Variants in CCDC158 observed in about 807,000 individuals in gnomAD.
CCDC158 encodes coiled-coil domain containing 158.
A neutral mutation model predicts 138.6 loss-of-function variants in CCDC158; 116 were observed. The observed-to-expected ratio is 0.84, with a 90% CI of 0.72 to 0.98. CCDC158 has a LOEUF of 0.98. CCDC158 is among the 50% of genes least tolerant of loss of function. The probability of loss-of-function intolerance (pLI) is 0.00; values close to 1 mark genes in which losing one functional copy is unlikely to be tolerated. For synonymous variants in CCDC158, 436 were observed against 442.4 expected (o/e 0.99, Z 0.18); for missense variants, 1,265 against 1,306.1 (o/e 0.97, Z 0.48).
At chr4:76,383,859 A>T (rs1726513637) in intron 6 of CCDC158, 121 bp from the exon 7 acceptor site, 3 of 749,874 alleles carry the variant, frequency 4.0e-6, no homozygotes, top group Non-Finnish European at 4.5e-6. Flanking sequence ...AATCAGATAC[A>T]TTCTATCCCC....
intron 18 of CCDC158, chr4:76,345,413 CT>C: frequency 4.2e-6 from 4 of 944,826 alleles, no homozygotes; most frequent in Admixed American, 1.7e-5. Context: ...AGCAGGAGTG[CT>C]GCCTGAAATT....
intron 24 of CCDC158, among the ~76,000 whole-genome samples, chr4:76,322,453 A>C (rs1720111039): frequency 6.6e-6 from 1 of 152,228 alleles, no homozygotes; most frequent in African/African-American, 2.4e-5. Flanking sequence ...AAATTACATG[A>C]AGAAAACGCA....
Position 76,346,809 on chromosome 4 carries a change from C to T in CCDC158, c.2664+4187G>A, listed in dbSNP as rs937365296. ...ACAAAGGGCTAATATCCAGAATCTA[C>T]AAAAAACTTCAACAAATTTACAAGA... is the stretch of plus-strand genomic sequence containing the variant. On this transcript the variant is annotated intron_variant, in intron 18 of 24. Transcript: ENST00000682701. 3.3e-5 allele frequency among the ~76,000 whole-genome samples: 5 copies of T among 152,026 alleles called. No homozygotes were observed. The South Asian group carries it at 8.3e-4, about 25-fold the overall frequency.
intron 8 of CCDC158, 128 bp downstream of exon 8, chr4:76,382,482 G>T: frequency 1.6e-6 from 1 of 619,446 alleles, no homozygotes. Context: ...TCATTTAAAT[G>T]TTAGAAAAAT....
At chr4:76,394,325 C>T (rs1057204154) in intron 4 of CCDC158, among the ~76,000 whole-genome samples, 6 of 152,064 alleles carry the variant, frequency 3.9e-5, no homozygotes, top group Non-Finnish European at 7.4e-5. Context: ...CTGTCATTTG[C>T]AACAACATGG....
chr4:76,331,284 G>A (rs899945866), intron 21 of CCDC158, 60 bp downstream of exon 21: 96 of 1,422,746 alleles, frequency 6.7e-5, no homozygotes, highest in Non-Finnish European at 9.2e-5. Context: ...AAGATCTTTT[G>A]AATTAATAAT....
chr4:76,387,851 C>G (rs974454867), intron 4 of CCDC158, among the ~76,000 whole-genome samples: 6 of 99,450 alleles, frequency 6.0e-5, no homozygotes, highest in Admixed American at 2.1e-4. Flanking sequence ...TCAAACCAAA[C>G]AAAACAAAAA....
intron 18 of CCDC158, among the ~76,000 whole-genome samples, chr4:76,348,978 G>C (rs957473769): frequency 6.6e-6 from 1 of 152,116 alleles, no homozygotes; most frequent in Non-Finnish European, 1.5e-5. Flanking sequence ...CCTTAAGAAA[G>C]ATAGATATAA....
intron 2 of CCDC158, among the ~76,000 whole-genome samples, chr4:76,411,253 T>A (rs562905177): frequency 4.1e-4 from 63 of 152,090 alleles, no homozygotes; most frequent in African/African-American, 1.5e-3. Flanking sequence ...AATGAAAAAA[T>A]TAGCCGGGCA....
intron 2 of CCDC158, among the ~76,000 whole-genome samples, chr4:76,408,630 A>G (rs7697356): frequency 0.029 from 4,450 of 152,294 alleles, 217 homozygotes; most frequent in African/African-American, 0.1. Context: ...TATTGTGAAT[A>G]GTGCCGCAAT....
chr4:76,375,616 C>T (rs1010170632), intron 9 of CCDC158: 33 of 702,540 alleles, frequency 4.7e-5, no homozygotes, highest in Middle Eastern at 2.3e-4. Context: ...TGTCAAAAAG[C>T]GAAAGTTAAG....
intron 1 of CCDC158, among the ~76,000 whole-genome samples, chr4:76,416,590 T>G (rs892030050): frequency 6.6e-6 from 1 of 152,202 alleles, no homozygotes; most frequent in Non-Finnish European, 1.5e-5. Context: ...GTCCCTGTGC[T>G]GTGTGCAGCC....
chr4:76,338,427 G>A (rs191513508), intron 18 of CCDC158, among the ~76,000 whole-genome samples: 2 of 152,132 alleles, frequency 1.3e-5, no homozygotes, highest in African/African-American at 2.4e-5. Flanking sequence ...CAGAAGAATC[G>A]CTTGAACCTG....
intron 18 of CCDC158, chr4:76,344,980 T>C: frequency 6.8e-7 from 1 of 1,466,344 alleles, no homozygotes; most frequent in Non-Finnish European, 9.6e-7. Context: ...TTACTGGAGT[T>C]AGGGAGGTAG....
intron 4 of CCDC158, among the ~76,000 whole-genome samples, chr4:76,391,913 C>G (rs1281772152): frequency 8.6e-5 from 13 of 151,906 alleles, no homozygotes; most frequent in African/African-American, 2.7e-4. Flanking sequence ...CTGGAAACAT[C>G]TAGAAGAAAA....
intron 9 of CCDC158, among the ~76,000 whole-genome samples, chr4:76,374,582 C>A (rs1014909652): frequency 3.9e-5 from 6 of 152,078 alleles, no homozygotes; most frequent in Admixed American, 1.3e-4. Flanking sequence ...ATACTTTATT[C>A]CACAAGAACA....
rs148423834 is a variant in CCDC158, at chr4:76,368,373, C to A, written c.1348-597G>T. On this transcript the variant is annotated intron_variant, in intron 11 of 24. Coordinates refer to ENST00000682701, the MANE Select transcript of CCDC158 (RefSeq NM_001394954.1). ...CACACACACATTCATATTCTCTGAT[C>A]CTTGTTTGGAAAAGCTGAAAATTCT... 2.8e-3 allele frequency among the ~76,000 whole-genome samples: 423 copies of A among 152,256 alleles called. 2 individuals are homozygous for A. Among genetic ancestry groups the A allele is most frequent in the African/African-American group, 9.2e-3 (384 of 41,534 alleles).
intron 8 of CCDC158, 70 bp from the exon 9 acceptor site, chr4:76,379,474 T>C (rs1726025391): frequency 1.2e-6 from 1 of 858,348 alleles, no homozygotes; most frequent in Non-Finnish European, 1.7e-6. Context: ...CTGAGTATTC[T>C]AGCTTTTTGA....
At chr4:76,387,180 A>G (rs1396588943) in intron 4 of CCDC158, among the ~76,000 whole-genome samples, 2 of 152,110 alleles carry the variant, frequency 1.3e-5, no homozygotes, top group East Asian at 3.9e-4. Context: ...CTTCTGTTTG[A>G]CGAGGGGAGA....
Sources: gnomAD v4.1 joint callset for allele counts (sites outside exome capture counted in the v4.1 genomes callset) on GRCh38, gnomAD v4.1.1 for gene constraint, MANE v1.5 for transcripts, NCBI Gene and HGNC (gene_info 2026-07-23, HGNC 2026-07-21) for gene names.